The following AAMDC variants were observed in gnomAD, a reference collection of about 807,000 sequenced individuals.
AAMDC encodes the protein mth938 domain-containing protein.
Under a neutral mutation model 15.5 loss-of-function variants are expected in AAMDC, and 16 were observed. The ratio of observed to expected loss-of-function variants is 1.03; its 90% CI spans 0.70 to 1.57. AAMDC has a LOEUF of 1.57. Among genes scored for constraint, AAMDC ranks in the 40% most tolerant of loss-of-function variants. The pLI is 0.00. For missense variants in AAMDC, 141 were observed against 144.9 expected (o/e 0.97, Z 0.14); for synonymous variants, 51 against 51.6 (o/e 0.99, Z 0.05).
intron 2 of AAMDC, among the ~76,000 whole-genome samples, chr11:77,846,789 G>C (rs889414858): frequency 6.6e-6 from 1 of 152,104 alleles, no homozygotes. Flanking sequence ...TGTCTGAAAA[G>C]GTCCTTGTTT....
At chr11:77,902,483 T>C (rs1175859589), downstream of AAMDC, among the ~76,000 whole-genome samples, 2 of 152,202 alleles carry the variant, frequency 1.3e-5, no homozygotes, top group South Asian at 4.1e-4. Flanking sequence ...AGCACTGTAG[T>C]AGAAAACAGA....
At position 77,853,221 on chromosome 11, in the gene AAMDC, A is replaced by G. The variant is rs75028264; in HGVS notation, c.132+10593A>G. 7.6e-3 allele frequency among the ~76,000 whole-genome samples: 1,157 copies of G among 152,344 alleles called. 36 individuals carry two copies. In the East Asian group the frequency reaches 0.079, roughly 10 times the overall value. ...AAATTTGTTAGTAAAAGTGAACAGT[A>G]TTTGTATTAGTCCATTCTTGCATTG... On this transcript the variant is annotated intron_variant, in intron 2 of 3. Coordinates refer to ENST00000393427, the MANE Select transcript of AAMDC (RefSeq NM_024684.4).
intron 5 of AAMDC, among the ~76,000 whole-genome samples, chr11:77,889,199 G>A (rs1295942716): frequency 1.3e-5 from 2 of 152,124 alleles, no homozygotes; most frequent in Non-Finnish European, 2.9e-5. Context: ...CGATAGACTG[G>A]ATTAAGAAAA....
downstream of AAMDC, chr11:77,876,950 G>T: frequency 1.4e-6 from 1 of 703,170 alleles, no homozygotes; most frequent in Non-Finnish European, 2.6e-6. Context: ...TTTTGTCTAG[G>T]CTCCAACCCA....
intron 5 of AAMDC, among the ~76,000 whole-genome samples, chr11:77,892,588 T>A (rs12224109): frequency 1.9e-4 from 29 of 152,190 alleles, no homozygotes; most frequent in African/African-American, 6.3e-4. Context: ...AATTTTTTTT[T>A]AATTTTCTTT....
intron 5 of AAMDC, among the ~76,000 whole-genome samples, chr11:77,895,270 C>A (rs1260911080): frequency 6.6e-6 from 1 of 151,244 alleles, no homozygotes; most frequent in African/African-American, 2.4e-5. Context: ...ATATATTATT[C>A]ATTGGAGGAA....
At chr11:77,841,085 C>A in intron 1 of AAMDC, 1 of 661,936 alleles carries the variant, frequency 1.5e-6, no homozygotes. Flanking sequence ...GCTGCATCAT[C>A]CTATAGTGGA....
In AAMDC at chr11:77,842,340, T is replaced by G. The variant is rs1447013843; in HGVS notation, c.-18-139T>G. 4 of 795,952 alleles carry G rather than the reference T, an allele frequency of 5.0e-6. No individual in the cohort carries two copies. The East Asian group carries it at 1.1e-4, about 21-fold the overall frequency. 49.3% of individuals were successfully genotyped at this position (795,952 alleles called of 1,614,324 possible). On this transcript the variant is annotated intron_variant, in intron 1 of 3. Transcript: ENST00000393427. ...AGGAATAATAGTTACTTTTTAGACC[T>G]CTAAAGAAGAAGTAACAACCACGTA... is the stretch of plus-strand genomic sequence containing the variant.
intron 5 of AAMDC, among the ~76,000 whole-genome samples, chr11:77,900,257 G>A (rs1466715440): frequency 2.0e-5 from 3 of 151,950 alleles, no homozygotes; most frequent in African/African-American, 7.3e-5. Flanking sequence ...ATGCCACCAT[G>A]CCCGGCTAAT....
At chr11:77,877,346 A>C (rs1227390432), downstream of AAMDC, among the ~76,000 whole-genome samples, 1 of 152,256 alleles carries the variant, frequency 6.6e-6, no homozygotes, top group Non-Finnish European at 1.5e-5. Context: ...TTTAAATTCC[A>C]GCTCCACCTC....
At chr11:77,858,761 T>C (rs1454721837) in intron 2 of AAMDC, among the ~76,000 whole-genome samples, 2 of 152,170 alleles carry the variant, frequency 1.3e-5, no homozygotes, top group Non-Finnish European at 2.9e-5. Flanking sequence ...TTTGATGTCA[T>C]TAACATCAGA....
Position 77,834,441 on chromosome 11 carries a change from G to GTTTT in AAMDC, c.-18-8020_-18-8017dup, listed in dbSNP as rs11438814. 6.8e-4 allele frequency among the ~76,000 whole-genome samples: 72 copies of GTTTT among 105,498 alleles called. 1 individual carries two copies. The highest frequency in any genetic ancestry group is 1.0e-3 in the South Asian group (3 of 3,002). The allele number at this position is 105,498 out of a possible 152,430, so 69.2% of individuals were successfully genotyped here. A position where few individuals can be genotyped will look rare whatever the true frequency, so the allele number is the denominator to read the frequency against. Reference sequence around the variant, plus strand: ...GAATTTCATGGAGAAAGTTGATTTTGTTTTTTTTTTTTTTTTTTTTTGAGA... The same window carrying GTTTT: ...GAATTTCATGGAGAAAGTTGATTTTGTTTTTTTTTTTTTTTTTTTTTTTTTGAGA... On this transcript the variant is annotated intron_variant, in intron 1 of 3. Coordinates refer to ENST00000393427, the MANE Select transcript of AAMDC (RefSeq NM_024684.4).
At chr11:77,869,880 C>T in intron 3 of AAMDC, 63 bp downstream of exon 3, 3 of 1,494,588 alleles carry the variant, frequency 2.0e-6, no homozygotes, top group South Asian at 2.3e-5. Context: ...CTTTGTCTTA[C>T]AGACTTGTCC....
chr11:77,886,056 A>G (rs556965173), intron 5 of AAMDC, among the ~76,000 whole-genome samples: 19 of 151,972 alleles, frequency 1.3e-4, no homozygotes, highest in Non-Finnish European at 2.8e-4. Context: ...AAAAATTAAA[A>G]TTAGCCAGGT....
intron 5 of AAMDC, among the ~76,000 whole-genome samples, chr11:77,898,125 A>G (rs1196904984): frequency 3.3e-5 from 5 of 151,482 alleles, no homozygotes; most frequent in Non-Finnish European, 5.9e-5. Context: ...CCAAATTGTT[A>G]TTATTATTTT....
At chr11:77,893,891 TTAAATAAATAAA>T (rs56269909) in intron 5 of AAMDC, among the ~76,000 whole-genome samples, 8 of 137,868 alleles carry the variant, frequency 5.8e-5, no homozygotes, top group East Asian at 4.2e-4. Flanking sequence ...AGACTCTGTC[TTAAATAAATAAA>T]TAAATAAATA....
At chr11:77,829,507 G>T (rs1408293909) in intron 1 of AAMDC, 1 of 152,206 alleles carries the variant, frequency 6.6e-6, no homozygotes, top group Non-Finnish European at 1.5e-5. Flanking sequence ...ATCTAATGGG[G>T]AAAGAATAGT....
intron 1 of AAMDC, among the ~76,000 whole-genome samples, chr11:77,831,489 TCTTA>T (rs1359137645): frequency 6.6e-6 from 1 of 152,178 alleles, no homozygotes; most frequent in Non-Finnish European, 1.5e-5. Context: ...TCCTTGAAAT[TCTTA>T]CTTAGTAGAT....
chr11:77,898,375 G>A (rs1157174384), intron 5 of AAMDC, among the ~76,000 whole-genome samples: 1 of 152,082 alleles, frequency 6.6e-6, no homozygotes, highest in Non-Finnish European at 1.5e-5. Flanking sequence ...TCTTGGCCAG[G>A]CTGGTCTTGA....
Sources: gnomAD v4.1 joint callset for allele counts (sites outside exome capture counted in the v4.1 genomes callset) on GRCh38, gnomAD v4.1.1 for gene constraint, MANE v1.5 for transcripts, NCBI Gene and HGNC (gene_info 2026-07-23, HGNC 2026-07-21) for gene names.